DLGAP1: variants seen among roughly 807,000 people sequenced by gnomAD.
DLGAP1 encodes the protein DLG associated protein 1, also known as disks large-associated protein 1.
A neutral mutation model predicts 90.8 loss-of-function variants in DLGAP1; 11 were observed. That is an observed-to-expected ratio of 0.12 (90% CI 0.08 to 0.20). The LOEUF is 0.20. Among genes scored for constraint, DLGAP1 ranks in the 10% least tolerant of loss-of-function variants. The pLI is 1.00. For missense variants in DLGAP1, 1,050 were observed against 1,333.8 expected, an observed-to-expected ratio of 0.79 and a Z score of 3.31; for synonymous variants, 558 against 540.7, an observed-to-expected ratio of 1.03 and a Z score of -0.44.
chr18:3,738,432 G>A (rs952645486), intron 6 of DLGAP1, among the ~76,000 whole-genome samples: 1 of 147,486 alleles, frequency 6.8e-6, no homozygotes, highest in Non-Finnish European at 1.5e-5. Flanking sequence ...CAGAGATATA[G>A]ATCAATGGAA....
chr18:4,091,083 G>A (rs111523097), intron 2 of DLGAP1, among the ~76,000 whole-genome samples: 2 of 152,136 alleles, frequency 1.3e-5, no homozygotes, highest in Non-Finnish European at 2.9e-5. Context: ...CATATACTGG[G>A]GCCTATTGTT....
At chr18:4,413,755 G>T (rs1010898779) in intron 1 of DLGAP1, among the ~76,000 whole-genome samples, 2 of 152,146 alleles carry the variant, frequency 1.3e-5, no homozygotes, top group African/African-American at 4.8e-5. Flanking sequence ...AGATAAAAGG[G>T]TTTCTGGAGA....
intron 2 of DLGAP1, among the ~76,000 whole-genome samples, chr18:4,077,203 G>C (rs2075536526): frequency 6.6e-6 from 1 of 152,186 alleles, no homozygotes; most frequent in African/African-American, 2.4e-5. Flanking sequence ...CAACAAACAA[G>C]TAAAATACCC....
At chr18:4,295,599 G>A (rs1193025492) in intron 1 of DLGAP1, among the ~76,000 whole-genome samples, 1 of 152,194 alleles carries the variant, frequency 6.6e-6, no homozygotes, top group Non-Finnish European at 1.5e-5. Flanking sequence ...TGGAGGTCAA[G>A]GACCTATAAT....
chr18:3,835,840 C>T (rs896327195), intron 4 of DLGAP1, among the ~76,000 whole-genome samples: 1 of 151,944 alleles, frequency 6.6e-6, no homozygotes, highest in Non-Finnish European at 1.5e-5. Context: ...TTTTTCTCTC[C>T]CTTCTCCCTT....
intron 7 of DLGAP1, among the ~76,000 whole-genome samples, chr18:3,664,902 C>G (rs2059822592): frequency 6.6e-6 from 1 of 152,168 alleles, no homozygotes; most frequent in African/African-American, 2.4e-5. Context: ...TGTCAATATT[C>G]TTTTCTTTGC....
intron 10 of DLGAP1, among the ~76,000 whole-genome samples, chr18:3,521,817 G>A (rs1404590302): frequency 6.6e-6 from 1 of 152,148 alleles, no homozygotes; most frequent in African/African-American, 2.4e-5. Context: ...GAAATTAACT[G>A]AGTTATTTAC....
At chr18:3,554,008 A>G (rs984740392) in intron 9 of DLGAP1, among the ~76,000 whole-genome samples, 1 of 152,156 alleles carries the variant, frequency 6.6e-6, no homozygotes, top group African/African-American at 2.4e-5. Flanking sequence ...GGCTAATGTA[A>G]GAAAGTCTAG....
In DLGAP1 at chr18:3,632,509, G is replaced by T. The variant is rs543678458; in HGVS notation, c.1592-50261C>A. On this transcript the variant is annotated intron_variant, in intron 7 of 12. Transcript: ENST00000315677. ...GCAGAGACGGGGTTTCACCATGTTG[G>T]CCAGGCTGGTCTTGAACTCCTGACC... Among the ~76,000 whole-genome samples the T allele has an allele frequency of 3.3e-5, 5 of 152,118 alleles. No individual in the cohort carries two copies. In the South Asian group the frequency reaches 8.3e-4, roughly 25 times the overall value.
chr18:4,272,345 T>A (rs541714658), intron 1 of DLGAP1, among the ~76,000 whole-genome samples: 1 of 152,320 alleles, frequency 6.6e-6, no homozygotes, highest in African/African-American at 2.4e-5. Flanking sequence ...TACCTTTTTT[T>A]GTTCTTTGGG....
At chr18:4,311,179 G>A (rs1437697835) in intron 1 of DLGAP1, among the ~76,000 whole-genome samples, 2 of 152,124 alleles carry the variant, frequency 1.3e-5, no homozygotes, top group African/African-American at 4.8e-5. Context: ...TTCTCCCTTA[G>A]GGCACAATTC....
chr18:3,973,718 T>A (rs1336021699), intron 3 of DLGAP1, among the ~76,000 whole-genome samples: 1 of 152,172 alleles, frequency 6.6e-6, no homozygotes. Flanking sequence ...ACAAACTAAA[T>A]CTAGGCTAGA....
chr18:3,541,742 T>C (rs2052703833), intron 9 of DLGAP1, among the ~76,000 whole-genome samples: 1 of 152,202 alleles, frequency 6.6e-6, no homozygotes, highest in South Asian at 2.1e-4. Flanking sequence ...TCTTTTATAG[T>C]AGCTGACATT....
chr18:4,236,668 C>A (rs912408524), intron 1 of DLGAP1, among the ~76,000 whole-genome samples: 2 of 151,500 alleles, frequency 1.3e-5, no homozygotes, highest in East Asian at 3.9e-4. Flanking sequence ...TTGTTTATTC[C>A]CCATGTTGAG....
chr18:3,585,746 C>CAAGATAAG (rs2055840095), intron 7 of DLGAP1, among the ~76,000 whole-genome samples: 2 of 152,132 alleles, frequency 1.3e-5, no homozygotes, highest in East Asian at 3.9e-4. Flanking sequence ...GAGTTGCAGA[C>CAAGATAAG]CAGCCTGGGC....
intron 5 of DLGAP1, among the ~76,000 whole-genome samples, chr18:3,744,030 C>G (rs1187830631): frequency 6.6e-6 from 1 of 152,090 alleles, no homozygotes; most frequent in African/African-American, 2.4e-5. Context: ...TTCATTTTGG[C>G]TGTAACATTG....
At chr18:3,694,930 G>GTTTT (rs894181264) in intron 7 of DLGAP1, among the ~76,000 whole-genome samples, 1 of 128,028 alleles carries the variant, frequency 7.8e-6, no homozygotes, top group African/African-American at 3.0e-5. Context: ...TGCTTTTGGT[G>GTTTT]TTTTTTTTGT....
chr18:4,245,019 T>C (rs947361495), intron 1 of DLGAP1, among the ~76,000 whole-genome samples: 1 of 152,224 alleles, frequency 6.6e-6, no homozygotes, highest in Admixed American at 6.5e-5. Flanking sequence ...CACAGGAAAT[T>C]GCCATTTTAT....
chr18:3,765,134 T>C (rs1315386834), intron 5 of DLGAP1, among the ~76,000 whole-genome samples: 11 of 139,726 alleles, frequency 7.9e-5, no homozygotes, highest in Non-Finnish European at 3.1e-5. Flanking sequence ...TTTTTTCTTT[T>C]TTTTTTTTTT....
Sources: allele counts gnomAD v4.1 joint callset (sites outside exome capture counted in the v4.1 genomes callset), GRCh38; gene constraint gnomAD v4.1.1; transcripts MANE v1.5; gene names NCBI Gene and HGNC (gene_info 2026-07-23, HGNC 2026-07-21).